The following GYPC variants were observed in gnomAD, a reference collection of about 807,000 sequenced individuals.
The protein encoded by GYPC is glycophorin C (Gerbich blood group).
A neutral mutation model predicts 12.6 loss-of-function variants in GYPC; 14 were observed. The ratio of observed to expected loss-of-function variants is 1.11; its 90% confidence interval spans 0.74 to 1.74. The LOEUF (loss-of-function observed/expected upper bound fraction) is 1.74, where lower values mean the gene tolerates loss of function less well. GYPC is among the 40% of genes most tolerant of loss of function. GYPC has a pLI of 0.00. For synonymous variants in GYPC, 78 were observed against 62.1 expected (o/e 1.26, Z -1.20); for missense variants, 225 against 172.1 (o/e 1.31, Z -1.72).
intron 1 of GYPC, among the ~76,000 whole-genome samples, chr2:126,687,813 A>G (rs1048988803): frequency 2.6e-5 from 4 of 152,204 alleles, no homozygotes; most frequent in African/African-American, 9.6e-5. Context: ...AAGTGTGTGT[A>G]GTCTCCCAGT....
At chr2:126,663,064 A>G (rs1026013729) in intron 1 of GYPC, among the ~76,000 whole-genome samples, 1 of 151,906 alleles carries the variant, frequency 6.6e-6, no homozygotes, top group Non-Finnish European at 1.5e-5. Flanking sequence ...TTTGAGATGG[A>G]ATCTTGTTCT....
chr2:126,667,095 T>A (rs2104776177), intron 1 of GYPC, among the ~76,000 whole-genome samples: 1 of 152,362 alleles, frequency 6.6e-6, no homozygotes, highest in Middle Eastern at 3.4e-3. Context: ...TCATAGCCTC[T>A]TCTGTCTGCT....
At chr2:126,685,322 A>G (rs1273271160) in intron 1 of GYPC, among the ~76,000 whole-genome samples, 1 of 151,054 alleles carries the variant, frequency 6.6e-6, no homozygotes, top group Non-Finnish European at 1.5e-5. Flanking sequence ...TGGCTCTTGA[A>G]CCCCAAATCA....
In GYPC at chr2:126,663,195, G is replaced by A. The variant is rs146271366; in HGVS notation, c.49+6883G>A. 3.3e-4 allele frequency among the ~76,000 whole-genome samples: 50 copies of A among 152,210 alleles called. No individual in the cohort carries two copies. The East Asian group carries it at 7.7e-3, about 24-fold the overall frequency. ...TGGGATTACAGACATGTGCCACCACGCCCAGCTAATTTTTGTATTTTTAGT... is the reference window on the plus strand; with the variant it reads ...TGGGATTACAGACATGTGCCACCACACCCAGCTAATTTTTGTATTTTTAGT... On this transcript the variant is annotated intron_variant, in intron 1 of 3. Transcript: ENST00000259254.
At chr2:126,680,717 A>G (rs748060262) in intron 1 of GYPC, among the ~76,000 whole-genome samples, 1 of 152,236 alleles carries the variant, frequency 6.6e-6, no homozygotes, top group Non-Finnish European at 1.5e-5. Context: ...TGAAAGGAGC[A>G]GTGGTCACTG....
intron 1 of GYPC, among the ~76,000 whole-genome samples, chr2:126,666,239 T>C (rs943066992): frequency 7.9e-5 from 12 of 152,114 alleles, no homozygotes; most frequent in African/African-American, 2.9e-4. Context: ...CCAAGGTCAC[T>C]ACAGGGGCAC....
chr2:126,687,132 T>C (rs1047893979), intron 1 of GYPC, among the ~76,000 whole-genome samples: 1 of 152,038 alleles, frequency 6.6e-6, no homozygotes, highest in Admixed American at 6.5e-5. Context: ...CTTGGAGCCG[T>C]GGATGGCAAG....
chr2:126,685,992 T>C, intron 1 of GYPC: 3 of 985,380 alleles, frequency 3.0e-6, no homozygotes, highest in South Asian at 9.4e-5. Context: ...TCTTCCTTCT[T>C]TGCTGGGACA....
chr2:126,688,524 C>T (rs1474359261), intron 1 of GYPC, among the ~76,000 whole-genome samples: 1 of 152,212 alleles, frequency 6.6e-6, no homozygotes, highest in African/African-American at 2.4e-5. Context: ...GCTATGGCTC[C>T]TGCTTCAGGT....
intron 3 of GYPC, 142 bp from the exon 4 acceptor site, chr2:126,695,804 G>A (rs1197077502): frequency 4.1e-6 from 3 of 733,902 alleles, no homozygotes; most frequent in Non-Finnish European, 7.4e-6. Flanking sequence ...ACAGGAACCT[G>A]GCTCCCATCA....
At chr2:126,664,327 T>G (rs1033227069) in intron 1 of GYPC, among the ~76,000 whole-genome samples, 1 of 152,124 alleles carries the variant, frequency 6.6e-6, no homozygotes, top group East Asian at 1.9e-4. Flanking sequence ...GCCATCTCAT[T>G]TAGCCCTCTG....
Position 126,695,950 on chromosome 2 carries a change from G to A in GYPC, c.195G>A (p.Val65=). ...TGCACCTCTTCCCACCTGCAGGTGT[G>A]ATTGCTGCTGTGGCCATCGTCCTAG... ...TIMDIVVIAG[V]IAAVAIVLVS... The change falls in exon 4 of 4, where the codon GTG becomes GTA. Residue 65 remains valine, a synonymous_variant. Coordinates refer to ENST00000259254, the MANE Select transcript of GYPC (RefSeq NM_002101.5). The A allele has an allele frequency of 6.2e-7, 1 of 1,613,892 alleles. No homozygotes were observed. The highest frequency in any genetic ancestry group is 8.5e-7 in the Non-Finnish European group (1 of 1,179,858).
At chr2:126,670,965 G>A (rs1241572137) in intron 1 of GYPC, among the ~76,000 whole-genome samples, 1 of 152,138 alleles carries the variant, frequency 6.6e-6, no homozygotes, top group African/African-American at 2.4e-5. Context: ...GCCCTTTATA[G>A]ACTCCTGACT....
At chr2:126,667,150 A>G (rs1208895544) in intron 1 of GYPC, among the ~76,000 whole-genome samples, 1 of 151,364 alleles carries the variant, frequency 6.6e-6, no homozygotes. Flanking sequence ...CCTAGCAGAC[A>G]GAGGATTTAG....
intron 2 of GYPC, among the ~76,000 whole-genome samples, chr2:126,692,627 C>T (rs1683506402): frequency 6.6e-6 from 1 of 152,170 alleles, no homozygotes; most frequent in Admixed American, 6.6e-5. Flanking sequence ...AGAAGGCATT[C>T]TGTGCAGCAG....
At chr2:126,671,393 C>A (rs945498247) in intron 1 of GYPC, among the ~76,000 whole-genome samples, 2 of 152,370 alleles carry the variant, frequency 1.3e-5, no homozygotes, top group African/African-American at 4.8e-5. Flanking sequence ...AGCTAACACC[C>A]AAGTTCAGAA....
intron 2 of GYPC, among the ~76,000 whole-genome samples, chr2:126,693,137 G>A (rs1479598103): frequency 1.3e-5 from 2 of 152,256 alleles, no homozygotes; most frequent in African/African-American, 4.8e-5. Context: ...AGATATTTGA[G>A]TCACAGGGGC....
intron 1 of GYPC, among the ~76,000 whole-genome samples, chr2:126,681,035 T>C (rs577973111): frequency 6.6e-6 from 1 of 152,358 alleles, no homozygotes; most frequent in South Asian, 2.1e-4. Context: ...TAGCCAGTTC[T>C]GAAGATTCAT....
intron 3 of GYPC, among the ~76,000 whole-genome samples, chr2:126,695,279 C>T (rs1168857479): frequency 6.6e-6 from 1 of 152,130 alleles, no homozygotes; most frequent in Non-Finnish European, 1.5e-5. Context: ...AAACAAGGTT[C>T]AGTCCTGGGG....
Sources: allele counts gnomAD v4.1 joint callset (sites outside exome capture counted in the v4.1 genomes callset), GRCh38; gene constraint gnomAD v4.1.1; transcripts MANE v1.5; gene names NCBI Gene and HGNC (gene_info 2026-07-23, HGNC 2026-07-21).